The following AUTS2 variants were observed in gnomAD, a reference collection of about 807,000 sequenced individuals.
The protein encoded by AUTS2 is autism susceptibility gene 2 protein.
A neutral mutation model predicts 112.4 loss-of-function variants in AUTS2; 17 were observed. The ratio of observed to expected loss-of-function variants is 0.15; its 90% CI spans 0.10 to 0.23. AUTS2 has a LOEUF of 0.23. AUTS2 is among the 10% of genes least tolerant of loss of function. AUTS2 has a pLI of 1.00. For synonymous variants in AUTS2, 751 were observed against 702.7 expected (o/e 1.07, Z -1.09); for missense variants, 1,510 against 1,701.6 (o/e 0.89, Z 1.98).
intron 1 of AUTS2, among the ~76,000 whole-genome samples, chr7:69,782,857 C>T (rs935367391): frequency 1.3e-5 from 2 of 151,974 alleles, no homozygotes; most frequent in Non-Finnish European, 2.9e-5. Flanking sequence ...TTGTTGAGTC[C>T]CTAGGAATTA....
At chr7:70,738,109 A>T (rs993528521) in intron 6 of AUTS2, among the ~76,000 whole-genome samples, 1 of 152,126 alleles carries the variant, frequency 6.6e-6, no homozygotes, top group Non-Finnish European at 1.5e-5. Context: ...TGCAGTTAGG[A>T]GGCTTTGATA....
chr7:69,998,609 C>G (rs1366161472), intron 2 of AUTS2, among the ~76,000 whole-genome samples: 1 of 152,138 alleles, frequency 6.6e-6, no homozygotes, highest in Non-Finnish European at 1.5e-5. Flanking sequence ...TTATTGAGCT[C>G]CTAACATATG....
At chr7:69,760,196 TC>T (rs1410669723) in intron 1 of AUTS2, among the ~76,000 whole-genome samples, 99 of 145,822 alleles carry the variant, frequency 6.8e-4, no homozygotes, top group African/African-American at 2.5e-3. Flanking sequence ...GTTCTTTTTT[TC>T]TTTTTTTTTT....
intron 1 of AUTS2, among the ~76,000 whole-genome samples, chr7:69,744,797 T>C (rs902403652): frequency 6.6e-6 from 1 of 152,260 alleles, no homozygotes; most frequent in Admixed American, 6.5e-5. Flanking sequence ...ACCGCTGCAC[T>C]CCAGCCTAGG....
chr7:69,935,623 A>C (rs1227047592), intron 2 of AUTS2, among the ~76,000 whole-genome samples: 1 of 152,152 alleles, frequency 6.6e-6, no homozygotes, highest in East Asian at 1.9e-4. Context: ...GGAAGGTCTA[A>C]GGTTTTCAGC....
chr7:70,515,368 T>C (rs1231487106), intron 5 of AUTS2, among the ~76,000 whole-genome samples: 1 of 151,852 alleles, frequency 6.6e-6, no homozygotes, highest in East Asian at 1.9e-4. Flanking sequence ...CAGTGACTCC[T>C]AGGAGGATTT....
chr7:70,329,480 T>G (rs1278999271), intron 4 of AUTS2, among the ~76,000 whole-genome samples: 1 of 152,122 alleles, frequency 6.6e-6, no homozygotes, highest in East Asian at 1.9e-4. Context: ...CTTATGGGTA[T>G]GAAGTGGTAC....
intron 4 of AUTS2, among the ~76,000 whole-genome samples, chr7:70,168,050 A>C (rs181518275): frequency 6.6e-6 from 1 of 152,354 alleles, no homozygotes; most frequent in East Asian, 1.9e-4. Context: ...TCTTTGGATA[A>C]AATTAAATTC....
intron 4 of AUTS2, among the ~76,000 whole-genome samples, chr7:70,252,219 C>G (rs1786638800): frequency 6.6e-6 from 1 of 152,142 alleles, no homozygotes; most frequent in African/African-American, 2.4e-5. Flanking sequence ...TGTTTTCCTT[C>G]ATGGCTGTAT....
At chr7:70,197,204 A>C (rs534429373) in intron 4 of AUTS2, among the ~76,000 whole-genome samples, 1 of 152,140 alleles carries the variant, frequency 6.6e-6, no homozygotes, top group Non-Finnish European at 1.5e-5. Flanking sequence ...TACTTTGAAC[A>C]TCAATTTTCT....
chr7:69,953,069 G>A (rs1230672504), intron 2 of AUTS2, among the ~76,000 whole-genome samples: 1 of 152,160 alleles, frequency 6.6e-6, no homozygotes, highest in Admixed American at 6.5e-5. Flanking sequence ...TTAGTGGCAT[G>A]TTCTAGAGAA....
chr7:69,836,484 C>CT (rs2129528092), intron 1 of AUTS2, among the ~76,000 whole-genome samples: 1 of 152,182 alleles, frequency 6.6e-6, no homozygotes, highest in East Asian at 1.9e-4. Context: ...GATTTAGGGA[C>CT]ATTCATTGTA....
chr7:70,094,236 T>C (rs1461429477), intron 2 of AUTS2, among the ~76,000 whole-genome samples: 3 of 152,234 alleles, frequency 2.0e-5, no homozygotes, highest in Non-Finnish European at 4.4e-5. Flanking sequence ...TGTATTTATA[T>C]ATATTTGTGT....
chr7:69,954,487 A>C (rs1476201183), intron 2 of AUTS2, among the ~76,000 whole-genome samples: 1 of 152,296 alleles, frequency 6.6e-6, no homozygotes, highest in South Asian at 2.1e-4. Context: ...TTTGTTGCCC[A>C]GACTGGAATG....
chr7:70,299,202 C>G (rs1716660138), intron 4 of AUTS2, among the ~76,000 whole-genome samples: 1 of 152,144 alleles, frequency 6.6e-6, no homozygotes, highest in African/African-American at 2.4e-5. Context: ...TTTTGCTTCA[C>G]TCTGTTCATC....
intron 2 of AUTS2, among the ~76,000 whole-genome samples, chr7:69,993,468 A>C (rs1268367590): frequency 6.6e-6 from 1 of 152,138 alleles, no homozygotes; most frequent in Non-Finnish European, 1.5e-5. Flanking sequence ...ATATGTTACT[A>C]GGCTAGGCAC....
At chr7:70,632,316 C>T (rs757684797) in intron 5 of AUTS2, among the ~76,000 whole-genome samples, 3 of 152,124 alleles carry the variant, frequency 2.0e-5, no homozygotes, top group Non-Finnish European at 2.9e-5. Context: ...CCGGGGGATT[C>T]GGTTTCCTCT....
chr7:70,655,356 C>T (rs756356457), intron 5 of AUTS2, among the ~76,000 whole-genome samples: 24 of 152,222 alleles, frequency 1.6e-4, no homozygotes, highest in Non-Finnish European at 2.8e-4. Flanking sequence ...ACATTTCTCT[C>T]CCATTACAAG....
chr7:70,442,021 C>G (rs1358344893), intron 5 of AUTS2, among the ~76,000 whole-genome samples: 2 of 152,104 alleles, frequency 1.3e-5, no homozygotes, highest in Non-Finnish European at 2.9e-5. Flanking sequence ...CCTTAGTTTT[C>G]AAATAGGATA....
Sources: allele counts gnomAD v4.1 joint callset (sites outside exome capture counted in the v4.1 genomes callset), GRCh38; gene constraint gnomAD v4.1.1; transcripts MANE v1.5; gene names NCBI Gene and HGNC (gene_info 2026-07-23, HGNC 2026-07-21).